TLK1: variants seen among roughly 807,000 people sequenced by gnomAD.
TLK1 encodes the protein tousled like kinase 1.
In TLK1, 24 loss-of-function variants were observed where a neutral mutation model predicts 105.3. The ratio of observed to expected loss-of-function variants is 0.23; its 90% CI spans 0.17 to 0.32. TLK1 has a LOEUF of 0.32. Ranked by LOEUF, TLK1 falls within the 10% of genes least tolerant of loss-of-function variation. The probability of loss-of-function intolerance (pLI) is 1.00; values close to 1 mark genes in which losing one functional copy is unlikely to be tolerated. For synonymous variants in TLK1, 321 were observed against 310.4 expected (o/e 1.03, Z -0.36); for missense variants, 558 against 910.5 (o/e 0.61, Z 4.98).
intron 1 of TLK1, among the ~76,000 whole-genome samples, chr2:171,214,024 T>C (rs915655997): frequency 1.3e-5 from 2 of 151,050 alleles, no homozygotes; most frequent in African/African-American, 2.4e-5. Flanking sequence ...CTCTGGTGAA[T>C]AGTTTTAGAA....
chr2:171,172,450 C>T (rs1692747839), intron 1 of TLK1, among the ~76,000 whole-genome samples: 1 of 152,118 alleles, frequency 6.6e-6, no homozygotes, highest in Admixed American at 6.5e-5. Flanking sequence ...ACCACACACA[C>T]AATACAAAAT....
At chr2:171,156,234 C>CA (rs984663581) in intron 1 of TLK1, among the ~76,000 whole-genome samples, 3 of 152,248 alleles carry the variant, frequency 2.0e-5, no homozygotes, top group South Asian at 2.1e-4. Flanking sequence ...TGAAGGCAGA[C>CA]AAAAAATCCA....
intron 3 of TLK1, among the ~76,000 whole-genome samples, chr2:171,065,577 G>T (rs947180639): frequency 6.7e-6 from 1 of 148,612 alleles, no homozygotes. Context: ...TCGCTCTGTC[G>T]CCCAGGCTGG....
At chr2:171,035,012 G>C (rs1048247353) in intron 11 of TLK1, among the ~76,000 whole-genome samples, 19 of 152,040 alleles carry the variant, frequency 1.2e-4, no homozygotes, top group Admixed American at 1.2e-3. Flanking sequence ...TCTCATGATA[G>C]TGAGTGAGTC....
intron 5 of TLK1, 42 bp from the exon 6 acceptor site, chr2:171,056,608 G>T (rs368107399): frequency 2.7e-5 from 40 of 1,479,210 alleles, no homozygotes; most frequent in Non-Finnish European, 3.6e-5. Context: ...TACTAAAGCA[G>T]GCTCAGACAG....
intron 11 of TLK1, among the ~76,000 whole-genome samples, chr2:171,034,173 T>C (rs535954853): frequency 6.6e-6 from 1 of 152,322 alleles, no homozygotes; most frequent in South Asian, 2.1e-4. Flanking sequence ...CTGATGGGAA[T>C]GTAAAACGGT....
intron 6 of TLK1, 142 bp downstream of exon 6, chr2:171,056,329 T>C (rs1015984705): frequency 1.4e-5 from 8 of 561,350 alleles, no homozygotes; most frequent in African/African-American, 1.4e-4. Context: ...ATTTAATTCA[T>C]GTCACAGAAA....
chr2:171,039,810 T>C (rs1237782920), intron 11 of TLK1, among the ~76,000 whole-genome samples: 1 of 152,082 alleles, frequency 6.6e-6, no homozygotes, highest in Non-Finnish European at 1.5e-5. Context: ...AGTAAAGATA[T>C]CCAAAGAGGG....
intron 2 of TLK1, among the ~76,000 whole-genome samples, chr2:171,094,339 C>CAT (rs1689363831): frequency 6.6e-6 from 1 of 151,636 alleles, no homozygotes; most frequent in African/African-American, 2.4e-5. Flanking sequence ...ATACAAAGGA[C>CAT]ATATCTAGGG....
chr2:171,007,022 T>C lies in TLK1; in HGVS notation c.1458A>G (p.Ile486Met). 1 of 1,610,634 alleles carries C rather than the reference T, an allele frequency of 6.2e-7. No homozygotes were observed. The highest frequency in any genetic ancestry group is 8.5e-7 in the Non-Finnish European group (1 of 1,179,158). Residue 486 changes from isoleucine to methionine, a missense_variant, in exon 15 of 21, where the codon ATA (isoleucine) becomes ATG (methionine). Ile to Met is a conservative substitution (Grantham distance 10, BLOSUM62 1). Coordinates refer to ENST00000431350, the MANE Select transcript of TLK1 (RefSeq NM_012290.5). ...LYEQRYAAVK[I>M]HQLNKSWRDE... Reference sequence around the variant, plus strand: ...CTCTCCAGCTTTTATTAAGCTGATGTATCTTCACAGCAGCATATCTTTGTT... The same window carrying C: ...CTCTCCAGCTTTTATTAAGCTGATGCATCTTCACAGCAGCATATCTTTGTT...
At chr2:171,171,183 C>A (rs1254180578) in intron 1 of TLK1, among the ~76,000 whole-genome samples, 3 of 152,134 alleles carry the variant, frequency 2.0e-5, no homozygotes, top group Admixed American at 2.0e-4. Flanking sequence ...TAAAGAACTT[C>A]TAATCATCAA....
chr2:171,155,229 C>T (rs1692188334), intron 1 of TLK1, among the ~76,000 whole-genome samples: 1 of 152,168 alleles, frequency 6.6e-6, no homozygotes, highest in Non-Finnish European at 1.5e-5. Context: ...AAACTATGCT[C>T]ATAATTTCTC....
At chr2:171,127,050 T>C (rs923650474) in intron 1 of TLK1, among the ~76,000 whole-genome samples, 3 of 151,530 alleles carry the variant, frequency 2.0e-5, no homozygotes, top group Admixed American at 2.0e-4. Flanking sequence ...CTGAGGTGAG[T>C]GGATCACCTG....
chr2:171,110,537 T>C (rs1426163955), intron 2 of TLK1, among the ~76,000 whole-genome samples: 1 of 152,138 alleles, frequency 6.6e-6, no homozygotes, highest in Non-Finnish European at 1.5e-5. Context: ...CTATTTAGCA[T>C]TCAAAAGGGT....
chr2:171,052,838 G>A (rs1231084863), intron 8 of TLK1, among the ~76,000 whole-genome samples: 2 of 152,172 alleles, frequency 1.3e-5, no homozygotes, highest in Middle Eastern at 3.2e-3. Context: ...AGGATCACAG[G>A]TGTTGGTTTT....
intron 11 of TLK1, among the ~76,000 whole-genome samples, chr2:171,041,504 A>G (rs1686673828): frequency 6.6e-6 from 1 of 152,202 alleles, no homozygotes; most frequent in African/African-American, 2.4e-5. Context: ...GCCAGCAGGC[A>G]TTACCACCTG....
At chr2:171,056,615 A>G (rs1341143449) in intron 5 of TLK1, 49 bp from the exon 6 acceptor site, 3 of 1,463,022 alleles carry the variant, frequency 2.1e-6, no homozygotes, top group East Asian at 2.3e-5. Flanking sequence ...GCAGGCTCAG[A>G]CAGTTATTTC....
In TLK1 at chr2:171,006,901, C is replaced by G. The variant is rs768153128; in HGVS notation, c.1509-12G>C. 1.9e-6 allele frequency: 3 copies of G among 1,610,572 alleles called. No individual in the cohort carries two copies. Among genetic ancestry groups the G allele is most frequent in the Non-Finnish European group, 2.5e-6 (3 of 1,177,860 alleles). On this transcript the variant is annotated splice_polypyrimidine_tract_variant and intron_variant, in intron 15 of 20. Transcript: ENST00000431350. Reference sequence around the variant, plus strand: ...CTCTGCAGGCATGTCTATGAGAAGACAGTGTATTAATTCTCCATGATCATT... The same window carrying G: ...CTCTGCAGGCATGTCTATGAGAAGAGAGTGTATTAATTCTCCATGATCATT...
In TLK1 at chr2:171,051,812, C is replaced by A. The variant is rs539586049; in HGVS notation, c.733-1638G>T. 5.9e-5 allele frequency among the ~76,000 whole-genome samples: 9 copies of A among 152,250 alleles called. No homozygotes were observed. In the East Asian group the frequency reaches 1.7e-3, roughly 29 times the overall value. On this transcript the variant is annotated intron_variant, in intron 8 of 20. Transcript: ENST00000431350. Reference sequence around the variant, plus strand: ...GATACAGAACACAGAAACAGATCCACCTGTATACTGGAAACAAGATTTTAT... The same window carrying A: ...GATACAGAACACAGAAACAGATCCAACTGTATACTGGAAACAAGATTTTAT...
Sources: allele counts gnomAD v4.1 joint callset (sites outside exome capture counted in the v4.1 genomes callset), GRCh38; gene constraint gnomAD v4.1.1; transcripts MANE v1.5; gene names NCBI Gene and HGNC (gene_info 2026-07-23, HGNC 2026-07-21).